Variants in NRXN1 observed in about 807,000 individuals in gnomAD.
NRXN1 encodes neurexin-1.
A neutral mutation model predicts 150.9 loss-of-function variants in NRXN1; 39 were observed. The observed-to-expected ratio is 0.26, with a 90% confidence interval of 0.20 to 0.34. The LOEUF is 0.34. Ranked by LOEUF, NRXN1 falls within the 10% of genes least tolerant of loss-of-function variation. The pLI is 1.00. For synonymous variants in NRXN1, 924 were observed against 757.0 expected (o/e 1.22, Z -3.62); for missense variants, 1,815 against 1,949.9 (o/e 0.93, Z 1.30).
intron 2 of NRXN1, among the ~76,000 whole-genome samples, 194 bp downstream of exon 2, chr2:51,027,307 CA>C (rs1189693456): frequency 6.6e-6 from 1 of 152,176 alleles, no homozygotes; most frequent in African/African-American, 2.4e-5. Context: ...TGGGGGCTGC[CA>C]ATCCTTAGGA....
chr2:50,991,408 TGATG>T (rs1698521359), intron 2 of NRXN1, among the ~76,000 whole-genome samples: 1 of 152,030 alleles, frequency 6.6e-6, no homozygotes. Flanking sequence ...ATGCTTGTGA[TGATG>T]GAGAGCTGGT....
chr2:50,744,690 A>T (rs1699813037), intron 5 of NRXN1, among the ~76,000 whole-genome samples: 1 of 152,122 alleles, frequency 6.6e-6, no homozygotes, highest in East Asian at 1.9e-4. Flanking sequence ...GAGAGATATT[A>T]CCTGTTTAAT....
At chr2:50,637,346 G>A (rs993107733) in intron 5 of NRXN1, among the ~76,000 whole-genome samples, 2 of 152,060 alleles carry the variant, frequency 1.3e-5, no homozygotes, top group East Asian at 1.9e-4. Flanking sequence ...TTTGAGTACT[G>A]TTTTCTCAAG....
Position 50,220,940 on chromosome 2 carries a change from G to T in NRXN1, c.3546+15849C>A, listed in dbSNP as rs76301116. ...ACAAATCATTGCAATTAAATATCCT[G>T]CCCACCATATAACTGATACTTGCCG... is the stretch of plus-strand genomic sequence containing the variant. On this transcript the variant is annotated intron_variant, in intron 18 of 22. Coordinates refer to ENST00000401669, the MANE Select transcript of NRXN1 (RefSeq NM_001330078.2). 1.8e-3 allele frequency among the ~76,000 whole-genome samples: 273 copies of T among 152,038 alleles called. 1 individual carries two copies. The highest frequency in any genetic ancestry group is 6.4e-3 in the African/African-American group (264 of 41,538).
intron 2 of NRXN1, among the ~76,000 whole-genome samples, chr2:50,941,643 G>A (rs1407251609): frequency 6.6e-6 from 1 of 152,152 alleles, no homozygotes; most frequent in Non-Finnish European, 1.5e-5. Flanking sequence ...TAACATGTCT[G>A]GCAGAAGAAA....
chr2:50,627,151 A>T (rs1681249707), intron 5 of NRXN1, among the ~76,000 whole-genome samples: 1 of 151,872 alleles, frequency 6.6e-6, no homozygotes, highest in African/African-American at 2.4e-5. Flanking sequence ...GATAAGATAA[A>T]AATTGACCAA....
intron 17 of NRXN1, among the ~76,000 whole-genome samples, chr2:50,464,641 G>T (rs1276555153): frequency 1.3e-5 from 2 of 151,876 alleles, no homozygotes; most frequent in South Asian, 2.1e-4. Context: ...CATATAGCAC[G>T]TATTCTATTT....
At chr2:50,355,302 A>T (rs1301944968) in intron 17 of NRXN1, among the ~76,000 whole-genome samples, 2 of 149,054 alleles carry the variant, frequency 1.3e-5, no homozygotes, top group African/African-American at 2.5e-5. Flanking sequence ...ATATATATAT[A>T]TTTGTTAGGT....
At chr2:50,219,151 A>G (rs1017513993) in intron 18 of NRXN1, among the ~76,000 whole-genome samples, 1 of 151,982 alleles carries the variant, frequency 6.6e-6, no homozygotes, top group African/African-American at 2.4e-5. Flanking sequence ...CCATTTCTCA[A>G]TTAGGTATTG....
chr2:50,180,427 C>T (rs1479247244), intron 18 of NRXN1, among the ~76,000 whole-genome samples: 1 of 152,064 alleles, frequency 6.6e-6, no homozygotes, highest in Non-Finnish European at 1.5e-5. Context: ...CCTGTTATAG[C>T]CTGAATGTGT....
At position 50,497,534 on chromosome 2, in the gene NRXN1, A is replaced by G; in HGVS notation, c.2678T>C (p.Leu893Pro). The change falls in exon 14 of 23, where the codon CTT (leucine) becomes CCT (proline). Residue 893 changes from leucine to proline, a missense_variant. Around this residue, in one of 6 missense-constraint regions of NRXN1, gnomAD observed 638 missense variants for 652.6 expected, o/e 0.98. Transcript: ENST00000401669. ...CKNGDIDYCE[L>P]NARFGFRNII... ...GTTCCTGAAGCCAAATCTGGCATTAAGCTCACAGTAATCTATGTCGCCATT... is the reference window on the plus strand; with the variant it reads ...GTTCCTGAAGCCAAATCTGGCATTAGGCTCACAGTAATCTATGTCGCCATT... 6.2e-7 allele frequency: 1 copy of G among 1,613,930 alleles called. No individual in the cohort carries two copies. The highest frequency in any genetic ancestry group is 1.1e-5 in the South Asian group (1 of 91,084).
intron 2 of NRXN1, among the ~76,000 whole-genome samples, chr2:50,982,791 T>A (rs990820735): frequency 6.6e-6 from 1 of 152,086 alleles, no homozygotes; most frequent in Non-Finnish European, 1.5e-5. Context: ...CACCTAATAC[T>A]AATTTTAACC....
At chr2:50,152,388 A>T (rs932040594) in intron 18 of NRXN1, among the ~76,000 whole-genome samples, 1 of 151,704 alleles carries the variant, frequency 6.6e-6, no homozygotes, top group African/African-American at 2.4e-5. Flanking sequence ...CTTTCCTTTT[A>T]AAGGCTGAAT....
At chr2:50,282,015 GC>G (rs1330506534) in intron 17 of NRXN1, among the ~76,000 whole-genome samples, 1 of 152,118 alleles carries the variant, frequency 6.6e-6, no homozygotes, top group Non-Finnish European at 1.5e-5. Context: ...CAAAAGCAAA[GC>G]CCTACTTCAT....
At chr2:50,525,181 A>T (rs2092914135) in intron 12 of NRXN1, among the ~76,000 whole-genome samples, 1 of 152,228 alleles carries the variant, frequency 6.6e-6, no homozygotes. Flanking sequence ...TTCTCATGCA[A>T]ATAATTCACG....
chr2:50,344,808 G>C (rs1255532830), intron 17 of NRXN1, among the ~76,000 whole-genome samples: 2 of 152,192 alleles, frequency 1.3e-5, no homozygotes, highest in South Asian at 2.1e-4. Context: ...CCGAGACACA[G>C]AAAAGGAGAA....
chr2:50,281,148 C>CAAAAAAAAAA (rs70946898), intron 17 of NRXN1, among the ~76,000 whole-genome samples: 13 of 106,948 alleles, frequency 1.2e-4, no homozygotes, highest in Non-Finnish European at 2.1e-4. Context: ...ACTAAAAATA[C>CAAAAAAAAAA]AAAAAAAAAA....
At chr2:50,680,367 G>C (rs763780939) in intron 5 of NRXN1, among the ~76,000 whole-genome samples, 2 of 152,018 alleles carry the variant, frequency 1.3e-5, no homozygotes, top group African/African-American at 2.4e-5. Context: ...TGAAGGATGA[G>C]TTCTTATGTG....
chr2:50,042,364 T>G (rs1424826940), intron 21 of NRXN1, among the ~76,000 whole-genome samples: 1 of 152,152 alleles, frequency 6.6e-6, no homozygotes, highest in Non-Finnish European at 1.5e-5. Context: ...TCTCATGAGA[T>G]AAGGGGCTTC....
Sources: allele counts gnomAD v4.1 joint callset (sites outside exome capture counted in the v4.1 genomes callset), GRCh38; gene constraint gnomAD v4.1.1; regional missense constraint gnomAD v4.1.1; transcripts MANE v1.5; gene names NCBI Gene and HGNC (gene_info 2026-07-23, HGNC 2026-07-21).